PTPRO: variants seen among roughly 807,000 people sequenced by gnomAD.
PTPRO encodes the protein receptor-type tyrosine-protein phosphatase O.
A neutral mutation model predicts 145.2 loss-of-function variants in PTPRO; 62 were observed. The ratio of observed to expected loss-of-function variants is 0.43; its 90% confidence interval spans 0.35 to 0.53. PTPRO has a LOEUF of 0.53. Among genes scored for constraint, PTPRO ranks in the 20% least tolerant of loss-of-function variants. The probability of loss-of-function intolerance (pLI) is 0.01; values close to 1 mark genes in which losing one functional copy is unlikely to be tolerated. For missense variants in PTPRO, 1,345 were observed against 1,482.7 expected (o/e 0.91, Z 1.53); for synonymous variants, 565 against 514.7 (o/e 1.10, Z -1.32).
rs137963929 is a variant in PTPRO at position 15,466,804 on chromosome 12, C to T, written c.76-17170C>T. The stretch of plus-strand genomic sequence containing the variant: ...CTACTGTTTCCACTACAGCCAACTG[C>T]CCTGTAACTCCTCATGTAATAAAAA... On this transcript the variant is annotated intron_variant, in intron 1 of 26. Transcript: ENST00000281171. Among the ~76,000 whole-genome samples, 958 of 152,272 alleles carry T rather than the reference C, an allele frequency of 6.3e-3. 8 individuals carry two copies. Among genetic ancestry groups the T allele is most frequent in the African/African-American group, 0.022 (917 of 41,540 alleles).
intron 1 of PTPRO, among the ~76,000 whole-genome samples, chr12:15,471,168 C>A (rs1209691571): frequency 6.6e-6 from 1 of 151,950 alleles, no homozygotes; most frequent in African/African-American, 2.4e-5. Flanking sequence ...TGCTTGAGCC[C>A]AGGAGTTTGA....
At chr12:15,518,540 A>G (rs182284635) in intron 9 of PTPRO, among the ~76,000 whole-genome samples, 2 of 152,202 alleles carry the variant, frequency 1.3e-5, no homozygotes, top group Non-Finnish European at 2.9e-5. Flanking sequence ...TTTCTTTTCT[A>G]TCACATTGTC....
Position 15,515,740 on chromosome 12 carries a change from A to G in PTPRO, c.1585+122A>G. 3 of 1,268,244 alleles carry G rather than the reference A, an allele frequency of 2.4e-6. No individual in the cohort carries two copies. In the South Asian group the frequency reaches 3.6e-5, roughly 15 times the overall value. The allele number at this position is 1,268,244 out of a possible 1,614,324, so 78.6% of individuals were successfully genotyped here. On this transcript the variant is annotated intron_variant, in intron 8 of 26. Transcript: ENST00000281171. ...GAAGGTCCATATTAGTTCATCCAAT[A>G]TGCTACCTTCAGAGTAATAAATAAC...
At chr12:15,523,722 C>G (rs779138167) in intron 10 of PTPRO, among the ~76,000 whole-genome samples, 1 of 152,128 alleles carries the variant, frequency 6.6e-6, no homozygotes, top group African/African-American at 2.4e-5. Flanking sequence ...CTGCAGTAAG[C>G]TGAGATTGCG....
At chr12:15,392,852 A>G (rs910223441) in intron 1 of PTPRO, among the ~76,000 whole-genome samples, 3 of 152,100 alleles carry the variant, frequency 2.0e-5, no homozygotes. Flanking sequence ...TGTTAAAGGA[A>G]GAGGCTTGCT....
At chr12:15,414,916 T>C (rs1939904635) in intron 1 of PTPRO, among the ~76,000 whole-genome samples, 1 of 151,124 alleles carries the variant, frequency 6.6e-6, no homozygotes, top group African/African-American at 2.4e-5. Flanking sequence ...TTGCTCTAAA[T>C]CCACCTAATG....
chr12:15,482,357 C>T (rs914257459), intron 1 of PTPRO, among the ~76,000 whole-genome samples: 4 of 151,920 alleles, frequency 2.6e-5, no homozygotes, highest in Admixed American at 1.3e-4. Flanking sequence ...TAGCAGATGT[C>T]GTTACTAGAG....
intron 1 of PTPRO, among the ~76,000 whole-genome samples, chr12:15,464,557 G>T (rs1217396788): frequency 8.6e-5 from 13 of 151,206 alleles, no homozygotes; most frequent in African/African-American, 3.2e-4. Context: ...ATAGAGGGGG[G>T]TTTCACCATC....
intron 1 of PTPRO, among the ~76,000 whole-genome samples, chr12:15,467,798 C>T (rs568762338): frequency 7.2e-5 from 11 of 152,350 alleles, no homozygotes; most frequent in African/African-American, 1.9e-4. Flanking sequence ...TGTGCCCTAA[C>T]ACCTCCAGGT....
intron 1 of PTPRO, among the ~76,000 whole-genome samples, chr12:15,452,944 T>G (rs1411898907): frequency 6.6e-6 from 1 of 152,204 alleles, no homozygotes; most frequent in African/African-American, 2.4e-5. Context: ...ATGGAAGCTG[T>G]TTCATAAATT....
At chr12:15,536,809 C>T (rs1943074592) in intron 12 of PTPRO, among the ~76,000 whole-genome samples, 1 of 152,070 alleles carries the variant, frequency 6.6e-6, no homozygotes, top group East Asian at 1.9e-4. Context: ...CTTTTCTGCC[C>T]CAAAAGTGTT....
At chr12:15,391,516 C>T (rs1450537590) in intron 1 of PTPRO, among the ~76,000 whole-genome samples, 1 of 152,144 alleles carries the variant, frequency 6.6e-6, no homozygotes, top group African/African-American at 2.4e-5. Context: ...TTCCCTAGAC[C>T]TGGAAACACA....
intron 12 of PTPRO, among the ~76,000 whole-genome samples, chr12:15,527,921 C>G (rs943983451): frequency 7.9e-6 from 1 of 125,934 alleles, no homozygotes; most frequent in African/African-American, 3.2e-5. Context: ...AATCCAATGA[C>G]TGACCCTAAC....
chr12:15,562,741 C>CTTTT (rs5796638), intron 17 of PTPRO, among the ~76,000 whole-genome samples: 16 of 144,386 alleles, frequency 1.1e-4, no homozygotes, highest in Non-Finnish European at 2.0e-4. Flanking sequence ...AGTGTTAAAT[C>CTTTT]TTTTTTTTTT....
intron 1 of PTPRO, among the ~76,000 whole-genome samples, chr12:15,416,607 C>T (rs1158659618): frequency 1.3e-5 from 2 of 151,606 alleles, no homozygotes; most frequent in African/African-American, 4.9e-5. Flanking sequence ...GCATGAGCCA[C>T]CGCGCCCAGC....
chr12:15,349,308 G>C (rs1937713190), intron 1 of PTPRO, among the ~76,000 whole-genome samples: 1 of 152,214 alleles, frequency 6.6e-6, no homozygotes, highest in South Asian at 2.1e-4. Context: ...CTAAGAAGGA[G>C]TGCAATTGGA....
chr12:15,351,367 G>A (rs1937796937), intron 1 of PTPRO, among the ~76,000 whole-genome samples: 1 of 152,140 alleles, frequency 6.6e-6, no homozygotes, highest in African/African-American at 2.4e-5. Context: ...TGATTTTAGT[G>A]GGGCTGTCAG....
chr12:15,467,573 G>A (rs948476535), intron 1 of PTPRO, among the ~76,000 whole-genome samples: 1 of 151,998 alleles, frequency 6.6e-6, no homozygotes, highest in Non-Finnish European at 1.5e-5. Context: ...CCTAACTAAT[G>A]CAGTCATATC....
chr12:15,389,248 C>T lies in PTPRO; in HGVS notation c.75+66447C>T, dbSNP rs535393323. Among the ~76,000 whole-genome samples, 17 of 151,958 alleles carry T rather than the reference C, an allele frequency of 1.1e-4. No individual in the cohort carries two copies. The South Asian group carries it at 2.5e-3, about 22-fold the overall frequency. ...CCTCCCGAGTAGCTGGGACTACAGG[C>T]GCCCGCCACCATGCCTGGCTAATTT... On this transcript the variant is annotated intron_variant, in intron 1 of 26. Coordinates refer to ENST00000281171, the MANE Select transcript of PTPRO (RefSeq NM_030667.3).
Sources: allele counts gnomAD v4.1 joint callset (sites outside exome capture counted in the v4.1 genomes callset), GRCh38; gene constraint gnomAD v4.1.1; transcripts MANE v1.5; gene names NCBI Gene and HGNC (gene_info 2026-07-23, HGNC 2026-07-21).